The following DCLK1 variants were observed in gnomAD, a reference collection of about 807,000 sequenced individuals.
DCLK1 encodes the protein doublecortin like kinase 1.
In DCLK1, 16 loss-of-function variants were observed where a neutral mutation model predicts 86.2. That is an observed-to-expected ratio of 0.19 (90% CI 0.13 to 0.28). The LOEUF (loss-of-function observed/expected upper bound fraction) is 0.28, where lower values mean the gene tolerates loss of function less well. Ranked by LOEUF, DCLK1 falls within the 10% of genes least tolerant of loss-of-function variation. The pLI, the probability that DCLK1 is intolerant of heterozygous loss-of-function variation, is 1.00. For missense variants in DCLK1, 590 were observed against 940.2 expected (o/e 0.63, Z 4.87); for synonymous variants, 369 against 370.5 (o/e 1.00, Z 0.05).
intron 4 of DCLK1, among the ~76,000 whole-genome samples, chr13:35,931,271 G>T (rs1876415744): frequency 3.9e-5 from 6 of 152,202 alleles, no homozygotes; most frequent in Non-Finnish European, 7.4e-5. Context: ...TTATCCTCAA[G>T]CAGAATTTGG....
chr13:35,812,516 G>A (rs946990836), intron 11 of DCLK1, among the ~76,000 whole-genome samples: 2 of 152,204 alleles, frequency 1.3e-5, no homozygotes, highest in Non-Finnish European at 2.9e-5. Flanking sequence ...CGTCACGTCT[G>A]CCTTCCTTTG....
At chr13:35,830,991 C>A (rs892584926) in intron 8 of DCLK1, among the ~76,000 whole-genome samples, 10 of 152,314 alleles carry the variant, frequency 6.6e-5, no homozygotes, top group African/African-American at 2.4e-4. Flanking sequence ...GCCAGCCAGA[C>A]AAGAAGCAGG....
chr13:35,951,245 C>T (rs1354660543), intron 3 of DCLK1, among the ~76,000 whole-genome samples: 2 of 140,554 alleles, frequency 1.4e-5, no homozygotes, highest in East Asian at 2.1e-4. Context: ...GATGGATGGA[C>T]GATGGATGGA....
At chr13:35,957,493 T>A (rs1878055905) in intron 3 of DCLK1, among the ~76,000 whole-genome samples, 1 of 152,158 alleles carries the variant, frequency 6.6e-6, no homozygotes, top group Non-Finnish European at 1.5e-5. Flanking sequence ...TGATGTTACA[T>A]CAATTTCTCA....
chr13:36,074,600 T>C (rs1206491985), intron 3 of DCLK1, among the ~76,000 whole-genome samples: 2 of 147,836 alleles, frequency 1.4e-5, no homozygotes, highest in Non-Finnish European at 3.0e-5. Context: ...TGATAGCAAG[T>C]GACTGAAAAA....
intron 3 of DCLK1, among the ~76,000 whole-genome samples, chr13:36,101,815 C>G (rs187155672): frequency 1.3e-5 from 2 of 152,142 alleles, no homozygotes; most frequent in African/African-American, 4.8e-5. Context: ...ACCATCTAGC[C>G]TCACTGCAAC....
chr13:35,862,572 C>A (rs929625029), intron 5 of DCLK1, among the ~76,000 whole-genome samples: 1 of 152,184 alleles, frequency 6.6e-6, no homozygotes, highest in Non-Finnish European at 1.5e-5. Flanking sequence ...TCCCCTTTCA[C>A]TTCATAATAC....
rs1194178143 is a variant in DCLK1 at position 35,827,679 on chromosome 13, T to C, written c.1363A>G (p.Met455Val). The change falls in exon 10 of 17, where the codon ATG (methionine) becomes GTG (valine). Residue 455 changes from methionine to valine, a missense_variant. By Grantham distance (21) the Met-to-Val change is conservative. Coordinates refer to ENST00000360631, the MANE Select transcript of DCLK1 (RefSeq NM_001330071.2). ...HPNIVLLIEEMDVPTELYLVM... is the reference protein window; with the variant it reads ...HPNIVLLIEEVDVPTELYLVM... ...AGATACAGTTCAGTTGGCACATCCATCTCCTCAATCAGAAGAACGATATTG... is the reference window on the plus strand; with the variant it reads ...AGATACAGTTCAGTTGGCACATCCACCTCCTCAATCAGAAGAACGATATTG... The C allele has an allele frequency of 1.9e-6, 3 of 1,613,958 alleles. No individual in the cohort carries two copies. The highest frequency in any genetic ancestry group is 1.1e-5 in the South Asian group (1 of 91,076).
chr13:35,876,198 T>C (rs1354752034), intron 4 of DCLK1, among the ~76,000 whole-genome samples: 2 of 152,214 alleles, frequency 1.3e-5, no homozygotes, highest in Non-Finnish European at 2.9e-5. Context: ...AATGGAGTTA[T>C]AATGAAGTAA....
intron 4 of DCLK1, among the ~76,000 whole-genome samples, chr13:35,932,316 T>C (rs1876489513): frequency 6.6e-6 from 1 of 152,194 alleles, no homozygotes; most frequent in South Asian, 2.1e-4. Context: ...ACTGTAACAC[T>C]GGCTTTCCTG....
intron 3 of DCLK1, among the ~76,000 whole-genome samples, chr13:36,072,243 A>C (rs1306472416): frequency 6.6e-6 from 1 of 152,212 alleles, no homozygotes; most frequent in Non-Finnish European, 1.5e-5. Flanking sequence ...AGCCATTAGC[A>C]GTGTATGCAC....
intron 3 of DCLK1, among the ~76,000 whole-genome samples, chr13:36,099,293 A>T (rs1382531702): frequency 6.6e-6 from 1 of 152,226 alleles, no homozygotes; most frequent in Non-Finnish European, 1.5e-5. Flanking sequence ...ATGTGCTAGA[A>T]GTGTTATTAA....
intron 4 of DCLK1, among the ~76,000 whole-genome samples, chr13:35,926,314 T>A (rs1298110003): frequency 6.6e-6 from 1 of 152,188 alleles, no homozygotes; most frequent in Non-Finnish European, 1.5e-5. Flanking sequence ...CTCTTAGGCC[T>A]CCCAAAGTGC....
At chr13:35,839,454 C>T (rs1196842547) in intron 6 of DCLK1, among the ~76,000 whole-genome samples, 1 of 152,118 alleles carries the variant, frequency 6.6e-6, no homozygotes, top group Non-Finnish European at 1.5e-5. Context: ...AATCGGGGTC[C>T]TTTAGCTCGC....
At chr13:36,114,167 A>G (rs1312558370) in intron 2 of DCLK1, among the ~76,000 whole-genome samples, 1 of 152,246 alleles carries the variant, frequency 6.6e-6, no homozygotes, top group Non-Finnish European at 1.5e-5. Flanking sequence ...GAACATAGCA[A>G]CATGGAGTGA....
chr13:36,106,085 T>A (rs1243274221), intron 3 of DCLK1, among the ~76,000 whole-genome samples: 2 of 152,216 alleles, frequency 1.3e-5, no homozygotes, highest in Non-Finnish European at 2.9e-5. Context: ...GAATTCATTT[T>A]ACAGCGAGCT....
intron 4 of DCLK1, among the ~76,000 whole-genome samples, chr13:35,899,366 T>C: frequency 1.1e-5 from 1 of 88,548 alleles, no homozygotes; most frequent in East Asian, 5.3e-4. Flanking sequence ...TGTGTGTGTG[T>C]GTGAGAGAGA....
chr13:35,951,054 A>G (rs1008380967), intron 3 of DCLK1, among the ~76,000 whole-genome samples: 7 of 151,566 alleles, frequency 4.6e-5, no homozygotes, highest in Non-Finnish European at 1.0e-4. Flanking sequence ...TTCCTTCACA[A>G]ATTTTCAATA....
intron 4 of DCLK1, among the ~76,000 whole-genome samples, chr13:35,881,871 T>C (rs538531738): frequency 2.6e-4 from 40 of 152,154 alleles, no homozygotes; most frequent in Non-Finnish European, 4.3e-4. Flanking sequence ...GGAAAGAAGG[T>C]TGACTGTGGA....
Sources: gnomAD v4.1 joint callset for allele counts (sites outside exome capture counted in the v4.1 genomes callset) on GRCh38, gnomAD v4.1.1 for gene constraint, MANE v1.5 for transcripts, NCBI Gene and HGNC (gene_info 2026-07-23, HGNC 2026-07-21) for gene names.